PDE12: variants seen among roughly 807,000 people sequenced by gnomAD.
PDE12 encodes the protein phosphodiesterase 12, also known as 2',5'-phosphodiesterase 12.
In PDE12, 26 loss-of-function variants were observed where a neutral mutation model predicts 45.4. The observed-to-expected ratio is 0.57, with a 90% CI of 0.42 to 0.79. The LOEUF is 0.79. Among genes scored for constraint, PDE12 ranks in the 30% least tolerant of loss-of-function variants. The pLI is 0.00. For synonymous variants in PDE12, 283 were observed against 323.9 expected (o/e 0.87, Z 1.36); for missense variants, 668 against 790.0 (o/e 0.85, Z 1.85).
the PDE12 span, among the ~76,000 whole-genome samples, chr3:57,638,364 G>A: frequency 6.6e-6 from 1 of 151,736 alleles, no homozygotes; most frequent in East Asian, 1.9e-4. Context: ...ATATATAAAT[G>A]GCCAATAAAC....
the PDE12 span, among the ~76,000 whole-genome samples, chr3:57,651,321 C>G: frequency 2.0e-5 from 3 of 152,146 alleles, no homozygotes; most frequent in East Asian, 1.9e-4. Context: ...AGGACATAAC[C>G]CCCTTATAAG....
chr3:57,634,512 T>C, the PDE12 span: 14 of 1,093,986 alleles, frequency 1.3e-5, no homozygotes, highest in Non-Finnish European at 1.8e-5. Context: ...GGATATTACA[T>C]ACCTGAACAA....
At chr3:57,602,044 C>CA in the PDE12 span, among the ~76,000 whole-genome samples, 3 of 151,934 alleles carry the variant, frequency 2.0e-5, no homozygotes, top group African/African-American at 7.3e-5. Context: ...TGTGAGCCAC[C>CA]ATGCATGGCC....
the PDE12 span, among the ~76,000 whole-genome samples, chr3:57,647,684 G>A: frequency 1.3e-5 from 2 of 152,242 alleles, no homozygotes; most frequent in African/African-American, 4.8e-5. Context: ...TATCTCCATG[G>A]AGAAGTACCC....
chr3:57,631,010 T>G, the PDE12 span: 442 of 1,600,528 alleles, frequency 2.8e-4, 1 homozygote, highest in Non-Finnish European at 3.6e-4. Flanking sequence ...ATAAAAGGAG[T>G]GTCTTCAAAA....
At chr3:57,559,424 C>T (rs2153407480) in intron 2 of PDE12, 36 bp downstream of exon 2, 12 of 1,549,094 alleles carry the variant, frequency 7.7e-6, no homozygotes, top group Middle Eastern at 1.7e-4. Context: ...GACTTAAACA[C>T]GCTTAAAGTT....
At chr3:57,654,909 G>GA in the PDE12 span, 1 of 532,256 alleles carries the variant, frequency 1.9e-6, no homozygotes, top group East Asian at 1.5e-4. Context: ...AAGCTCTACA[G>GA]AAACAAAAAG....
chr3:57,641,746 G>A, the PDE12 span: 3 of 1,610,460 alleles, frequency 1.9e-6, no homozygotes, highest in African/African-American at 1.3e-5. Context: ...ATAACTGAGG[G>A]CCTATAAAAA....
At chr3:57,583,376 C>A in the PDE12 span, among the ~76,000 whole-genome samples, 1 of 152,054 alleles carries the variant, frequency 6.6e-6, no homozygotes, top group African/African-American at 2.4e-5. Flanking sequence ...TACGTGCCAC[C>A]CCCAAATTTG....
At chr3:57,596,899 G>C in the PDE12 span, 1 of 632,878 alleles carries the variant, frequency 1.6e-6, no homozygotes, top group Non-Finnish European at 2.7e-6. Flanking sequence ...TCGGGGGCGG[G>C]GGGGATCGCT....
chr3:57,557,590 C>T lies in PDE12; in HGVS notation c.1211C>T (p.Ala404Val), dbSNP rs149721766. Residue 404 changes from alanine (A) to valine (V), a missense_variant, in exon 1 of 3, where the codon GCC (alanine) becomes GTC (valine). Ala to Val is a moderately conservative substitution (Grantham distance 64). This residue lies in a region of PDE12 where 580 missense variants were observed against 662.9 expected (regional missense o/e 0.87). Transcript: ENST00000311180. ...LSQHDISFYE[A>V]LESDPLHKEL... The stretch of plus-strand genomic sequence containing the variant: ...CAGCATGACATTTCATTCTACGAAG[C>T]CCTCGAGTCCGACCCACTTCACAAA... 3.4e-5 allele frequency: 55 copies of T among 1,614,100 alleles called. No individual in the cohort carries two copies. The African/African-American group carries it at 6.7e-4, about 20-fold the overall frequency.
chr3:57,568,370 G>A (rs556232325), downstream of PDE12, among the ~76,000 whole-genome samples: 2 of 151,932 alleles, frequency 1.3e-5, no homozygotes, highest in African/African-American at 2.4e-5. Context: ...TGGGAGGATC[G>A]CTTGAGCTTG....
the PDE12 span, chr3:57,597,126 G>T: frequency 6.2e-7 from 1 of 1,614,008 alleles, no homozygotes. Context: ...AGAGGGAGGA[G>T]ATAGTGAGGC....
the PDE12 span, chr3:57,628,914 A>C: frequency 1.3e-6 from 2 of 1,587,994 alleles, no homozygotes; most frequent in Non-Finnish European, 1.7e-6. Context: ...CAAATCAGTA[A>C]GTTCTCAAAA....
At chr3:57,649,187 T>C in the PDE12 span, among the ~76,000 whole-genome samples, 2 of 152,034 alleles carry the variant, frequency 1.3e-5, no homozygotes, top group Non-Finnish European at 2.9e-5. Context: ...CATCAAAAAG[T>C]GGGCTAAGGA....
At chr3:57,601,174 A>T in the PDE12 span, among the ~76,000 whole-genome samples, 86 of 151,728 alleles carry the variant, frequency 5.7e-4, 2 homozygotes, top group East Asian at 0.014. Flanking sequence ...CAGTGGGGCG[A>T]TCTTGGCTCA....
At chr3:57,584,511 C>T in the PDE12 span, 1 of 1,454,526 alleles carries the variant, frequency 6.9e-7, no homozygotes, top group Non-Finnish European at 9.5e-7. Context: ...AAAGCACACT[C>T]CAAGAAATAA....
the PDE12 span, among the ~76,000 whole-genome samples, chr3:57,612,359 G>C: frequency 1.3e-5 from 2 of 152,050 alleles, no homozygotes; most frequent in African/African-American, 4.8e-5. Context: ...CCTGCACATT[G>C]TACACATGTA....
chr3:57,644,067 G>A, the PDE12 span, among the ~76,000 whole-genome samples: 3 of 150,720 alleles, frequency 2.0e-5, no homozygotes, highest in Non-Finnish European at 4.4e-5. Context: ...GGAGAATCTC[G>A]TGAACCCGGG....
Sources: gnomAD v4.1 joint callset for allele counts (sites outside exome capture counted in the v4.1 genomes callset) on GRCh38, gnomAD v4.1.1 for gene constraint, gnomAD v4.1.1 regional missense constraint, MANE v1.5 for transcripts, NCBI Gene and HGNC (gene_info 2026-07-23, HGNC 2026-07-21) for gene names.